Variants in SFXN4 observed in about 807,000 individuals in gnomAD.
SFXN4 encodes the protein sideroflexin 4.
Under a neutral mutation model 54.6 loss-of-function variants are expected in SFXN4, and 48 were observed. The ratio of observed to expected loss-of-function variants is 0.88; its 90% CI spans 0.70 to 1.12. The LOEUF is 1.12. Ranked by LOEUF, SFXN4 falls within the 50% of genes most tolerant of loss-of-function variation. SFXN4 has a pLI of 0.00. For missense variants in SFXN4, 383 were observed against 409.2 expected (o/e 0.94, Z 0.55); for synonymous variants, 130 against 145.5 (o/e 0.89, Z 0.77).
intron 3 of SFXN4, among the ~76,000 whole-genome samples, chr10:119,161,695 C>T (rs1847554971): frequency 6.6e-6 from 1 of 152,152 alleles, no homozygotes; most frequent in South Asian, 2.1e-4. Context: ...AATACCAACA[C>T]CTAACTTATC....
intron 10 of SFXN4, among the ~76,000 whole-genome samples, chr10:119,155,442 G>T (rs1209084197): frequency 1.3e-5 from 2 of 152,140 alleles, no homozygotes; most frequent in African/African-American, 4.8e-5. Flanking sequence ...TTCCTTACCG[G>T]ATTCTAGGAG....
chr10:119,151,416 C>T (rs1847063943), intron 11 of SFXN4, among the ~76,000 whole-genome samples: 1 of 29,140 alleles, frequency 3.4e-5, no homozygotes, highest in Non-Finnish European at 7.2e-5. Context: ...CTCCCTAGGG[C>T]TGGGGGTGGG....
chr10:119,147,547 CG>C (rs1846870346), intron 12 of SFXN4, among the ~76,000 whole-genome samples: 1 of 152,086 alleles, frequency 6.6e-6, no homozygotes, highest in African/African-American at 2.4e-5. Context: ...GCCAAGGACA[CG>C]GGGTAACTGG....
chr10:119,157,891 T>G lies in SFXN4; in HGVS notation c.451A>C (p.Ile151Leu), dbSNP rs750334015. 2 of 1,614,250 alleles carry G rather than the reference T, an allele frequency of 1.2e-6. No individual in the cohort carries two copies. Among genetic ancestry groups the G allele is most frequent in the Non-Finnish European group, 1.7e-6 (2 of 1,180,046 alleles). ...LCAYMAAFNS[I>L]NGNRSYTCKP... ...CTCACGTAACTTCTGTTTCCATTGA[T>G]GCTGTTGAACGCTGCCATGTAGGCA... The change falls in exon 8 of 14, where the codon ATC (isoleucine) becomes CTC (leucine). Residue 151 changes from isoleucine (I) to leucine (L), a missense_variant. Physicochemically the swap from Ile to Leu is conservative, Grantham distance 5 (BLOSUM62 2). Coordinates refer to ENST00000355697, the MANE Select transcript of SFXN4 (RefSeq NM_213649.2).
At chr10:119,159,522 C>A (rs1454741210) in intron 6 of SFXN4, among the ~76,000 whole-genome samples, 1 of 144,026 alleles carries the variant, frequency 6.9e-6, no homozygotes, top group Non-Finnish European at 1.6e-5. Flanking sequence ...GCCCGGATGC[C>A]TGACTGGGAG....
At chr10:119,162,930 C>T (rs540729843) in intron 2 of SFXN4, among the ~76,000 whole-genome samples, 4 of 151,978 alleles carry the variant, frequency 2.6e-5, no homozygotes, top group African/African-American at 4.8e-5. Flanking sequence ...CAAATAGTTG[C>T]GACTACAGGC....
At chr10:119,150,176 G>A (rs1847004155) in intron 11 of SFXN4, among the ~76,000 whole-genome samples, 1 of 151,794 alleles carries the variant, frequency 6.6e-6, no homozygotes, top group Non-Finnish European at 1.5e-5. Context: ...GACCAGTAAA[G>A]CTTTTCTTTG....
intron 2 of SFXN4, 65 bp from the exon 3 acceptor site, chr10:119,162,479 A>G (rs532764487): frequency 7.4e-7 from 1 of 1,345,948 alleles, no homozygotes; most frequent in South Asian, 1.2e-5. Context: ...CCCCAGAGGT[A>G]GGAATCACCA....
chr10:119,146,715 C>G (rs1232148402), intron 12 of SFXN4, among the ~76,000 whole-genome samples: 2 of 152,024 alleles, frequency 1.3e-5, no homozygotes, highest in Non-Finnish European at 2.9e-5. Flanking sequence ...ATTATAGGCG[C>G]CCGCCACCAC....
chr10:119,146,383 G>C, intron 12 of SFXN4, 30 bp from the exon 13 acceptor site: 1 of 1,342,934 alleles, frequency 7.4e-7, no homozygotes, highest in Non-Finnish European at 1.1e-6. Flanking sequence ...GCTCACAAGT[G>C]ATGTTAAACT....
rs1004203549 is a variant in SFXN4 at position 119,161,088 on chromosome 10, G to A, written c.253-7C>T. ...GCTTCCAAGCTTCTTGTATCTTAAA[G>A]GAGAAAAAAGAATAGCTTTGTTTCA... On this transcript the variant is annotated splice_region_variant and splice_polypyrimidine_tract_variant and intron_variant, in intron 3 of 13. Transcript: ENST00000355697. 1 of 1,613,674 alleles carries A rather than the reference G, an allele frequency of 6.2e-7. No homozygotes were observed. Among genetic ancestry groups the A allele is most frequent in the Non-Finnish European group, 8.5e-7 (1 of 1,179,758 alleles).
intron 12 of SFXN4, 68 bp downstream of exon 12, chr10:119,147,707 G>T: frequency 7.3e-7 from 1 of 1,369,130 alleles, no homozygotes; most frequent in Non-Finnish European, 1.0e-6. Flanking sequence ...ACCAGGGTCA[G>T]TATCTGACAG....
chr10:119,161,152 A>T (rs776487426), intron 3 of SFXN4, 71 bp from the exon 4 acceptor site: 1 of 1,509,952 alleles, frequency 6.6e-7, no homozygotes, highest in Non-Finnish European at 9.2e-7. Flanking sequence ...TTGCTCTGTC[A>T]CCCAGGGCTG....
In SFXN4 at chr10:119,147,833, TTC is replaced by T; in HGVS notation, c.758_759del (p.Arg253AsnfsTer12). The stretch of plus-strand genomic sequence containing the variant: ...AGAGCTGAGGTCCCAAACAGCACTA[TTC>T]TGGATGCTAGCGTTTCTCTAACAGC... ...TKAVRETLAS[R>X]IVLFGTSALI... On this transcript the variant is annotated frameshift_variant, in exon 12 of 14. Transcript: ENST00000355697. LOFTEE classifies it high-confidence loss of function. 1.2e-6 allele frequency: 2 copies of T among 1,614,168 alleles called. No individual in the cohort carries two copies. The highest frequency in any genetic ancestry group is 1.7e-6 in the Non-Finnish European group (2 of 1,180,006).
chr10:119,162,784 T>G (rs964543260), intron 2 of SFXN4, among the ~76,000 whole-genome samples: 1 of 151,298 alleles, frequency 6.6e-6, no homozygotes, highest in African/African-American at 2.4e-5. Context: ...TCCTCTCTTT[T>G]TCTTTCTTTC....
At chr10:119,158,979 T>C (rs368790211) in intron 6 of SFXN4, among the ~76,000 whole-genome samples, 9 of 152,138 alleles carry the variant, frequency 5.9e-5, no homozygotes, top group African/African-American at 2.2e-4. Flanking sequence ...CAAGACCCTA[T>C]TTTAAAAAAC....
chr10:119,161,713 T>C (rs1847556545), intron 3 of SFXN4, among the ~76,000 whole-genome samples: 1 of 152,206 alleles, frequency 6.6e-6, no homozygotes, highest in Non-Finnish European at 1.5e-5. Flanking sequence ...ATCCCTCAGA[T>C]GAGTCCCCGA....
At chr10:119,165,171 C>T in intron 1 of SFXN4, 2 of 1,033,950 alleles carry the variant, frequency 1.9e-6, no homozygotes, top group Non-Finnish European at 1.2e-6. Context: ...CCCAAAGCCT[C>T]GGGGGTCTCA....
rs900729760 is a variant in SFXN4, at chr10:119,150,651, A to C, written c.733-2791T>G. ...ACCATTGCCCTCCAGCTTTGGCAAC[A>C]GAGGGAGACTCTGTCTCTATAAATA... On this transcript the variant is annotated intron_variant, in intron 11 of 13. Transcript: ENST00000355697. Among the ~76,000 whole-genome samples the C allele has an allele frequency of 3.3e-5, 5 of 152,124 alleles. No homozygotes were observed. In the South Asian group the frequency reaches 8.3e-4, roughly 25 times the overall value.
Sources: gnomAD v4.1 joint callset for allele counts (sites outside exome capture counted in the v4.1 genomes callset) on GRCh38, gnomAD v4.1.1 for gene constraint, MANE v1.5 for transcripts, NCBI Gene and HGNC (gene_info 2026-07-23, HGNC 2026-07-21) for gene names.